Variants in PCMTD1 observed in about 807,000 individuals in gnomAD.
The protein encoded by PCMTD1 is protein-L-isoaspartate (D-aspartate) O-methyltransferase domain containing 1.
In PCMTD1, 12 loss-of-function variants were observed where a neutral mutation model predicts 37.6. The ratio of observed to expected loss-of-function variants is 0.32; its 90% CI spans 0.20 to 0.52. The LOEUF (loss-of-function observed/expected upper bound fraction) is 0.52, where lower values mean the gene tolerates loss of function less well. PCMTD1 is among the 20% of genes least tolerant of loss of function. The pLI is 0.97. For synonymous variants in PCMTD1, 117 were observed against 135.8 expected, an observed-to-expected ratio of 0.86 and a Z score of 0.96; for missense variants, 235 against 421.3, an observed-to-expected ratio of 0.56 and a Z score of 3.87.
chr8:51,861,657 G>A (rs2038471141), intron 1 of PCMTD1, among the ~76,000 whole-genome samples: 1 of 152,062 alleles, frequency 6.6e-6, no homozygotes, highest in Non-Finnish European at 1.5e-5. Context: ...GGACAGTGCT[G>A]CTCTGCAAAG....
chr8:51,845,010 A>G (rs2038197942), intron 3 of PCMTD1: 1 of 152,222 alleles, frequency 6.6e-6, no homozygotes, highest in South Asian at 2.1e-4. Flanking sequence ...AATTTCAAAG[A>G]GCTCATGGAT....
intron 3 of PCMTD1, among the ~76,000 whole-genome samples, chr8:51,835,356 G>A (rs964455266): frequency 6.6e-6 from 1 of 152,030 alleles, no homozygotes; most frequent in African/African-American, 2.4e-5. Context: ...TACTTGCACA[G>A]CACACACAAA....
chr8:51,830,772 G>T (rs1454240735), intron 5 of PCMTD1, among the ~76,000 whole-genome samples: 2 of 152,184 alleles, frequency 1.3e-5, no homozygotes, highest in Non-Finnish European at 2.9e-5. Flanking sequence ...TCTTGATGTG[G>T]CAAGTTCTTT....
intron 1 of PCMTD1, among the ~76,000 whole-genome samples, chr8:51,876,743 T>C (rs371222588): frequency 2.6e-5 from 4 of 152,124 alleles, no homozygotes; most frequent in African/African-American, 9.7e-5. Flanking sequence ...AAACAAGAGA[T>C]TGATGATAAT....
chr8:51,888,663 T>A (rs1380972514), intron 1 of PCMTD1, among the ~76,000 whole-genome samples: 2 of 152,234 alleles, frequency 1.3e-5, no homozygotes, highest in Non-Finnish European at 2.9e-5. Flanking sequence ...TGAAATAATG[T>A]GCACATTCAA....
intron 1 of PCMTD1, among the ~76,000 whole-genome samples, chr8:51,866,024 T>A (rs2038549837): frequency 6.6e-6 from 1 of 151,118 alleles, no homozygotes; most frequent in Non-Finnish European, 1.5e-5. Flanking sequence ...TAACAACAAA[T>A]GATCTGAAAA....
chr8:51,827,458 G>A (rs908143470), intron 5 of PCMTD1: 1 of 378,206 alleles, frequency 2.6e-6, no homozygotes, highest in Non-Finnish European at 5.2e-6. Context: ...ATGCTATCCT[G>A]CCTGGGATGT....
chr8:51,846,406 C>A (rs2038220724), intron 2 of PCMTD1, among the ~76,000 whole-genome samples: 1 of 152,178 alleles, frequency 6.6e-6, no homozygotes, highest in Non-Finnish European at 1.5e-5. Flanking sequence ...GTTTTCCCAG[C>A]CCCGAGAGAT....
intron 1 of PCMTD1, among the ~76,000 whole-genome samples, chr8:51,887,732 G>T (rs2038884375): frequency 1.4e-5 from 2 of 141,120 alleles, no homozygotes; most frequent in Non-Finnish European, 1.5e-5. Context: ...TCACAAAAAA[G>T]TTTTCATAAT....
At chr8:51,878,311 A>G (rs2038743919) in intron 1 of PCMTD1, among the ~76,000 whole-genome samples, 1 of 143,200 alleles carries the variant, frequency 7.0e-6, no homozygotes, top group African/African-American at 2.5e-5. Context: ...CGTGTGGCCC[A>G]TGACAATCTT....
chr8:51,831,699 C>A, intron 4 of PCMTD1, 132 bp from the exon 5 acceptor site: 2 of 772,232 alleles, frequency 2.6e-6, no homozygotes, highest in Non-Finnish European at 3.8e-6. Flanking sequence ...TAAATGTGAC[C>A]AAATTAATTC....
intron 3 of PCMTD1, among the ~76,000 whole-genome samples, chr8:51,836,422 CTTAA>C (rs1333844074): frequency 1.3e-5 from 2 of 152,132 alleles, no homozygotes; most frequent in African/African-American, 2.4e-5. Context: ...TATCCTTTTA[CTTAA>C]TAAAGAGTTG....
chr8:51,851,009 G>A (rs1404759806), intron 2 of PCMTD1, among the ~76,000 whole-genome samples: 3 of 152,182 alleles, frequency 2.0e-5, no homozygotes, highest in African/African-American at 4.8e-5. Flanking sequence ...GAAAGGCTAA[G>A]TAATTATTAC....
chr8:51,894,983 G>A (rs2038980078), intron 1 of PCMTD1, among the ~76,000 whole-genome samples: 1 of 152,158 alleles, frequency 6.6e-6, no homozygotes. Context: ...GTTGATCAGG[G>A]AGAACAACAT....
chr8:51,877,069 T>C (rs1367430298), intron 1 of PCMTD1, among the ~76,000 whole-genome samples: 1 of 152,238 alleles, frequency 6.6e-6, no homozygotes, highest in African/African-American at 2.4e-5. Context: ...ACATTGGGCC[T>C]GTATGAAATG....
At chr8:51,878,250 G>GTTTTTTTTT (rs375362623) in intron 1 of PCMTD1, among the ~76,000 whole-genome samples, 10 of 139,170 alleles carry the variant, frequency 7.2e-5, no homozygotes, top group South Asian at 2.2e-4. Context: ...TTTTTTTTTG[G>GTTTTTTTTT]TTTTTTTTTT....
At chr8:51,858,078 C>G (rs1204848999) in intron 2 of PCMTD1, among the ~76,000 whole-genome samples, 2 of 152,160 alleles carry the variant, frequency 1.3e-5, no homozygotes, top group Non-Finnish European at 2.9e-5. Flanking sequence ...ATTTGTGTTT[C>G]TGGAGTGAAG....
Position 51,820,732 on chromosome 8 carries a change from T to A in PCMTD1, c.707-14A>T, listed in dbSNP as rs749270088. The A allele has an allele frequency of 1.3e-6, 2 of 1,570,934 alleles. No individual in the cohort carries two copies. Among genetic ancestry groups the A allele is most frequent in the Non-Finnish European group, 1.7e-6 (2 of 1,163,348 alleles). On this transcript the variant is annotated splice_polypyrimidine_tract_variant and intron_variant, in intron 5 of 5. Transcript: ENST00000522514. ...CAGCACAGGGAGCTAAAAACAAACA[T>A]AAAACGCAAGAAAGAAAATATTAAC...
chr8:51,824,981 G>A (rs1365344989), intron 5 of PCMTD1, among the ~76,000 whole-genome samples: 2 of 152,142 alleles, frequency 1.3e-5, no homozygotes, highest in Admixed American at 6.5e-5. Context: ...TGGGAAAACT[G>A]GCTAGCCATA....
Sources: allele counts gnomAD v4.1 joint callset (sites outside exome capture counted in the v4.1 genomes callset), GRCh38; gene constraint gnomAD v4.1.1; transcripts MANE v1.5; gene names NCBI Gene and HGNC (gene_info 2026-07-23, HGNC 2026-07-21).